The following CD99 variants were observed in gnomAD, a reference collection of about 807,000 sequenced individuals.
CD99 encodes CD99 antigen.
In CD99, 19 loss-of-function variants were observed where a neutral mutation model predicts 28.4. The observed-to-expected ratio is 0.67, with a 90% CI of 0.47 to 0.98. The LOEUF is 0.98. Ranked by LOEUF, CD99 falls within the 50% of genes least tolerant of loss-of-function variation. CD99 has a pLI of 0.00. For synonymous variants in CD99, 103 were observed against 92.1 expected, an observed-to-expected ratio of 1.12 and a Z score of -0.67; for missense variants, 283 against 248.8, an observed-to-expected ratio of 1.14 and a Z score of -0.92.
intron 1 of CD99, among the ~76,000 whole-genome samples, chrX:2,707,443 G>A (rs377245363): frequency 1.6e-3 from 237 of 152,264 alleles, no homozygotes; most frequent in African/African-American, 5.5e-3. Flanking sequence ...CCTTAGTCAC[G>A]TTGCAGAGGA....
intron 7 of CD99, among the ~76,000 whole-genome samples, chrX:2,725,682 C>T (rs1336940911): frequency 6.6e-5 from 10 of 152,140 alleles, no homozygotes; most frequent in African/African-American, 2.2e-4. Flanking sequence ...GGCACAATCT[C>T]GGCTCACTGC....
At chrX:2,697,112 A>G (rs1214997525) in intron 1 of CD99, among the ~76,000 whole-genome samples, 4 of 152,120 alleles carry the variant, frequency 2.6e-5, no homozygotes, top group African/African-American at 9.7e-5. Flanking sequence ...AAGCCTTGCT[A>G]AAGAAGCCGC....
At chrX:2,738,344 C>T in intron 9 of CD99, 88 bp downstream of exon 9, 1 of 1,292,178 alleles carries the variant, frequency 7.7e-7, no homozygotes, top group Non-Finnish European at 1.1e-6. Flanking sequence ...CTGTCCTGCT[C>T]ACATTCTCAA....
intron 1 of CD99, chrX:2,692,024 G>T: frequency 1.5e-6 from 1 of 684,858 alleles, no homozygotes; most frequent in East Asian, 2.6e-5. Context: ...GCAACACGGG[G>T]CGCAGAAAGA....
At chrX:2,700,664 C>T (rs2047808783) in intron 1 of CD99, among the ~76,000 whole-genome samples, 1 of 151,690 alleles carries the variant, frequency 6.6e-6, no homozygotes, top group Admixed American at 6.6e-5. Context: ...TCCATCCATG[C>T]ATCATCCATG....
At chrX:2,720,699 A>T (rs1161776181) in intron 5 of CD99, among the ~76,000 whole-genome samples, 1 of 131,628 alleles carries the variant, frequency 7.6e-6, no homozygotes, top group Admixed American at 9.8e-5. Context: ...ATCTTGGCTC[A>T]CTGCAACCTC....
chrX:2,691,533 G>A (rs1318764566), intron 1 of CD99, 106 bp downstream of exon 1: 1 of 1,270,002 alleles, frequency 7.9e-7, no homozygotes, highest in Admixed American at 2.0e-5. Context: ...GACACCCGGA[G>A]CCTCCTCCCT....
intron 8 of CD99, among the ~76,000 whole-genome samples, chrX:2,727,692 G>T (rs1271899034): frequency 2.6e-5 from 4 of 152,066 alleles, no homozygotes; most frequent in Admixed American, 1.3e-4. Context: ...GGCCAGGCTG[G>T]TCTCCAACTC....
Position 2,741,041 on chromosome X carries a change from G to A in CD99, c.*237G>A. On this transcript the variant is annotated 3_prime_UTR_variant, in exon 10 of 10. Transcript: ENST00000381192. ...TGGACCCCCATTCTCCAAGGCCCGG[G>A]GGGGCGGTTTCCCATGGGATGTGAA... 3.4e-6 allele frequency: 2 copies of A among 580,490 alleles called. No individual in the cohort carries two copies. The highest frequency in any genetic ancestry group is 6.2e-6 in the Non-Finnish European group (2 of 324,084). The allele number at this position is 580,490 out of a possible 1,614,324, so 36.0% of individuals were successfully genotyped here. A position where few individuals can be genotyped will look rare whatever the true frequency, so the allele number is the denominator to read the frequency against.
chrX:2,711,569 A>G (rs1442716563), intron 1 of CD99, among the ~76,000 whole-genome samples: 1 of 152,076 alleles, frequency 6.6e-6, no homozygotes, highest in African/African-American at 2.4e-5. Flanking sequence ...GAGCCCATCA[A>G]GGGATGAATG....
At position 2,740,785 on chromosome X, in the gene CD99, G is replaced by T. The variant is rs150825051; in HGVS notation, c.539G>T (p.Arg180Leu). 1.2e-5 allele frequency: 20 copies of T among 1,613,762 alleles called. No homozygotes were observed. The South Asian group carries it at 1.9e-4, about 15-fold the overall frequency. Residue 180 changes from arginine to leucine, a missense_variant, in exon 10 of 10, where the codon CGT becomes CTT. Coordinates refer to ENST00000381192, the MANE Select transcript of CD99 (RefSeq NM_002414.5). ...TTGTCTCTGTCTCCCACAGTTCAGC[G>T]TACTCTTTTAGAGAAATAGAAGATT... Reference protein sequence around the residue: ...RNANAEPAVQRTLLEK With the variant: ...RNANAEPAVQLTLLEK
At chrX:2,731,716 A>G (rs1031345756) in intron 8 of CD99, among the ~76,000 whole-genome samples, 1 of 152,172 alleles carries the variant, frequency 6.6e-6, no homozygotes, top group Non-Finnish European at 1.5e-5. Context: ...TTGTATTAAA[A>G]TGAGTCCCAG....
intron 8 of CD99, among the ~76,000 whole-genome samples, chrX:2,730,855 G>A (rs757348376): frequency 1.3e-5 from 2 of 150,652 alleles, no homozygotes; most frequent in East Asian, 2.0e-4. Context: ...GCTTGAACCC[G>A]GGAGGCAGAG....
At chrX:2,722,430 C>T (rs2049038312) in intron 5 of CD99, among the ~76,000 whole-genome samples, 197 bp from the exon 6 acceptor site, 1 of 152,172 alleles carries the variant, frequency 6.6e-6, no homozygotes, top group South Asian at 2.1e-4. Flanking sequence ...AAGTGATTCT[C>T]CTGCCTCAGC....
chrX:2,713,032 A>G lies in CD99; in HGVS notation c.68-1390A>G, dbSNP rs186108212. Among the ~76,000 whole-genome samples, 177 of 152,042 alleles carry G rather than the reference A, an allele frequency of 1.2e-3. 3 individuals are homozygous for G. In the East Asian group the frequency reaches 0.032, roughly 28 times the overall value. ...CACAGGCACAAACACACAAATGCAC[A>G]CACCCACACATGCACAAACACACCT... On this transcript the variant is annotated intron_variant, in intron 1 of 9. Coordinates refer to ENST00000381192, the MANE Select transcript of CD99 (RefSeq NM_002414.5).
intron 1 of CD99, among the ~76,000 whole-genome samples, chrX:2,711,957 G>T (rs1244767410): frequency 1.3e-5 from 2 of 152,110 alleles, no homozygotes; most frequent in South Asian, 4.1e-4. Context: ...CAGGAGAATT[G>T]CTTGAACCCA....
intron 1 of CD99, among the ~76,000 whole-genome samples, chrX:2,694,264 A>T (rs1398232253): frequency 6.6e-6 from 1 of 151,212 alleles, no homozygotes; most frequent in Non-Finnish European, 1.5e-5. Context: ...CAGTAGAGCA[A>T]GTGTGGGCTT....
rs149014780 is a variant in CD99 at position 2,710,110 on chromosome X, C to T, written c.68-4312C>T. Among the ~76,000 whole-genome samples the T allele has an allele frequency of 1.5e-3, 229 of 152,260 alleles. 1 individual carries two copies. Among genetic ancestry groups the T allele is most frequent in the African/African-American group, 5.2e-3 (215 of 41,562 alleles). On this transcript the variant is annotated intron_variant, in intron 1 of 9. Coordinates refer to ENST00000381192, the MANE Select transcript of CD99 (RefSeq NM_002414.5). ...TATAGCAGTCCTCATGCTAGGATTG[C>T]GTGTTCTGTGTCAGGCAGCTGGGCA...
At chrX:2,709,185 A>G (rs2048261700) in intron 1 of CD99, among the ~76,000 whole-genome samples, 1 of 78,814 alleles carries the variant, frequency 1.3e-5, no homozygotes, top group South Asian at 3.4e-4. Flanking sequence ...ATGTGCATGC[A>G]CACATACACA....
Sources: gnomAD v4.1 joint callset for allele counts (sites outside exome capture counted in the v4.1 genomes callset) on GRCh38, gnomAD v4.1.1 for gene constraint, MANE v1.5 for transcripts, NCBI Gene and HGNC (gene_info 2026-07-23, HGNC 2026-07-21) for gene names.